The following NUDCD1 variants were observed in gnomAD, a reference collection of about 807,000 sequenced individuals.
The protein encoded by NUDCD1 is nudC domain-containing protein 1.
In NUDCD1, 60 loss-of-function variants were observed where a neutral mutation model predicts 67.8. That is an observed-to-expected ratio of 0.88 (90% CI 0.72 to 1.10). The LOEUF is 1.10. Ranked by LOEUF, NUDCD1 falls within the 50% of genes least tolerant of loss-of-function variation. The probability of loss-of-function intolerance (pLI) is 0.00; values close to 1 mark genes in which losing one functional copy is unlikely to be tolerated. For synonymous variants in NUDCD1, 244 were observed against 230.8 expected, an observed-to-expected ratio of 1.06 and a Z score of -0.52; for missense variants, 643 against 695.0, an observed-to-expected ratio of 0.93 and a Z score of 0.84.
intron 8 of NUDCD1, among the ~76,000 whole-genome samples, chr8:109,254,898 A>ATAAATTG (rs1813696733): frequency 6.6e-6 from 1 of 152,192 alleles, no homozygotes; most frequent in Non-Finnish European, 1.5e-5. Context: ...TGTACACAGA[A>ATAAATTG]TAAATTGTAA....
At chr8:109,270,067 C>CG (rs1171291973) in intron 8 of NUDCD1, among the ~76,000 whole-genome samples, 5 of 4,550 alleles carry the variant, frequency 1.1e-3, no homozygotes, top group South Asian at 0.011. Context: ...GTGGCGGGGG[C>CG]GGGGGGGGGG....
chr8:109,315,698 T>C (rs1815374720), intron 2 of NUDCD1: 1 of 152,230 alleles, frequency 6.6e-6, no homozygotes, highest in African/African-American at 2.4e-5. Flanking sequence ...TCCTGGATTC[T>C]GCCATGTACA....
chr8:109,304,006 C>T (rs927981429), intron 2 of NUDCD1, among the ~76,000 whole-genome samples: 1 of 152,068 alleles, frequency 6.6e-6, no homozygotes, highest in African/African-American at 2.4e-5. Context: ...TCAATACCTC[C>T]CCTCCACAAC....
At chr8:109,283,188 G>GA (rs1814497216) in intron 5 of NUDCD1, among the ~76,000 whole-genome samples, 1 of 152,060 alleles carries the variant, frequency 6.6e-6, no homozygotes, top group Non-Finnish European at 1.5e-5. Context: ...CTGAGCAGAA[G>GA]AAAGAATTCC....
At chr8:109,305,904 C>T (rs188959087) in intron 2 of NUDCD1, among the ~76,000 whole-genome samples, 2 of 152,172 alleles carry the variant, frequency 1.3e-5, no homozygotes, top group Admixed American at 6.5e-5. Context: ...AGTACTCCCC[C>T]CTACTTCCCT....
chr8:109,281,195 T>C (rs773642684), intron 5 of NUDCD1, 23 bp from the exon 6 acceptor site: 4 of 1,508,480 alleles, frequency 2.7e-6, no homozygotes, highest in Non-Finnish European at 3.7e-6. Flanking sequence ...GAAAAATGCA[T>C]CATGTAATAA....
intron 4 of NUDCD1, among the ~76,000 whole-genome samples, chr8:109,292,104 T>A (rs138705574): frequency 1.8e-4 from 28 of 152,058 alleles, no homozygotes; most frequent in African/African-American, 6.8e-4. Flanking sequence ...AATATTTAAA[T>A]ATATGTCAAA....
At chr8:109,323,169 T>C (rs754855858) in intron 1 of NUDCD1, among the ~76,000 whole-genome samples, 3 of 152,170 alleles carry the variant, frequency 2.0e-5, no homozygotes, top group Admixed American at 6.5e-5. Context: ...CTGCTCATGA[T>C]CTGGAATTAA....
At chr8:109,285,667 A>G (rs1814557999) in intron 5 of NUDCD1, among the ~76,000 whole-genome samples, 1 of 152,154 alleles carries the variant, frequency 6.6e-6, no homozygotes, top group South Asian at 2.1e-4. Context: ...ACACTTCAAA[A>G]TAACAAGAGC....
intron 2 of NUDCD1, among the ~76,000 whole-genome samples, chr8:109,305,255 G>A (rs1815077330): frequency 1.3e-5 from 2 of 152,144 alleles, no homozygotes. Flanking sequence ...ACTTTCACTG[G>A]ATGGGTAGAA....
At chr8:109,266,183 AT>A (rs1466364922) in intron 8 of NUDCD1, among the ~76,000 whole-genome samples, 4 of 151,788 alleles carry the variant, frequency 2.6e-5, no homozygotes, top group African/African-American at 9.7e-5. Context: ...ACATATCCAA[AT>A]GATTATCATT....
At chr8:109,305,654 T>G (rs896156074) in intron 2 of NUDCD1, among the ~76,000 whole-genome samples, 8 of 152,250 alleles carry the variant, frequency 5.3e-5, no homozygotes, top group African/African-American at 1.9e-4. Context: ...ACTAGCCCTC[T>G]AAGCAACTAT....
At chr8:109,311,565 A>ATATATATATATATATATATG (rs1815252618) in intron 2 of NUDCD1, among the ~76,000 whole-genome samples, 1 of 138,232 alleles carries the variant, frequency 7.2e-6, no homozygotes, top group Non-Finnish European at 1.5e-5. Context: ...TGGTGTATAT[A>ATATATATATATATATATATG]TATATATGAT....
chr8:109,297,844 T>C (rs757309437), intron 2 of NUDCD1, among the ~76,000 whole-genome samples: 6 of 152,236 alleles, frequency 3.9e-5, no homozygotes, highest in Non-Finnish European at 8.8e-5. Context: ...CCAAACTGCA[T>C]TCAAATTCAA....
At position 109,263,409 on chromosome 8, in the gene NUDCD1, C is replaced by T. The variant is rs140750456; in HGVS notation, c.1299+7596G>A. Among the ~76,000 whole-genome samples the T allele has an allele frequency of 2.5e-3, 377 of 152,222 alleles. 1 individual carries two copies. The highest frequency in any genetic ancestry group is 8.0e-3 in the African/African-American group (332 of 41,546). On this transcript the variant is annotated intron_variant, in intron 8 of 9. Transcript: ENST00000239690. ...TGATGTAGGTGGGAATCCATCTGGA[C>T]CCATCTGTTTTGCCCAGTGGGAATT...
At chr8:109,247,749 T>C (rs1255693938) in intron 8 of NUDCD1, among the ~76,000 whole-genome samples, 4 of 152,200 alleles carry the variant, frequency 2.6e-5, no homozygotes, top group African/African-American at 7.2e-5. Flanking sequence ...GCTCTCAGAA[T>C]TCCCCCACTC....
chr8:109,318,561 G>A (rs1225322168), intron 2 of NUDCD1, among the ~76,000 whole-genome samples: 1 of 152,130 alleles, frequency 6.6e-6, no homozygotes, highest in Non-Finnish European at 1.5e-5. Flanking sequence ...ATCCTTAGTA[G>A]AACATGGGGC....
chr8:109,248,121 T>C (rs1813540474), intron 8 of NUDCD1, among the ~76,000 whole-genome samples: 1 of 152,164 alleles, frequency 6.6e-6, no homozygotes, highest in African/African-American at 2.4e-5. Context: ...GTTTAGAAGA[T>C]GATATACTGC....
chr8:109,261,881 T>C (rs544019126), intron 8 of NUDCD1, among the ~76,000 whole-genome samples: 2 of 152,302 alleles, frequency 1.3e-5, no homozygotes, highest in East Asian at 1.9e-4. Context: ...GGCCTCACTA[T>C]GTACTAGTAA....
Sources: gnomAD v4.1 joint callset for allele counts (sites outside exome capture counted in the v4.1 genomes callset) on GRCh38, gnomAD v4.1.1 for gene constraint, MANE v1.5 for transcripts, NCBI Gene and HGNC (gene_info 2026-07-23, HGNC 2026-07-21) for gene names.